Variants in SKAP2 observed in about 807,000 individuals in gnomAD.
SKAP2 encodes the protein src kinase-associated phosphoprotein 2.
SKAP2 carries 28 observed loss-of-function variants against 54.9 expected under a neutral mutation model. The observed-to-expected ratio is 0.51, with a 90% CI of 0.38 to 0.70. SKAP2 has a LOEUF of 0.70. SKAP2 is among the 30% of genes least tolerant of loss of function. SKAP2 has a pLI of 0.00. For synonymous variants in SKAP2, 137 were observed against 134.3 expected (o/e 1.02, Z -0.14); for missense variants, 356 against 424.1 (o/e 0.84, Z 1.41).
intron 4 of SKAP2, among the ~76,000 whole-genome samples, chr7:26,819,068 C>G (rs1489254178): frequency 6.6e-6 from 1 of 152,200 alleles, no homozygotes; most frequent in African/African-American, 2.4e-5. Context: ...AATCCCATTA[C>G]TGGGTATATA....
Position 26,668,979 on chromosome 7 carries a change from C to G in SKAP2, c.*687G>C, listed in dbSNP as rs1392130245. 2 of 152,114 alleles carry G rather than the reference C, an allele frequency of 1.3e-5. No homozygotes were observed. The highest frequency in any genetic ancestry group is 2.9e-5 in the Non-Finnish European group (2 of 68,034). 9.4% of individuals were successfully genotyped at this position (152,114 alleles called of 1,614,324 possible). A position where few individuals can be genotyped will look rare whatever the true frequency, so the allele number is the denominator to read the frequency against. ...CAGTAGAAAATGTTGCCAGGCCCAT[C>G]ATCGCACCAGGATATTTGTACGGTA... On this transcript the variant is annotated 3_prime_UTR_variant, in exon 13 of 13. Coordinates refer to ENST00000345317, the MANE Select transcript of SKAP2 (RefSeq NM_003930.5).
intron 11 of SKAP2, among the ~76,000 whole-genome samples, chr7:26,679,929 C>G (rs900064720): frequency 6.6e-6 from 1 of 152,146 alleles, no homozygotes; most frequent in Non-Finnish European, 1.5e-5. Flanking sequence ...CAAAAAGTAC[C>G]CTTTTATTTT....
chr7:26,752,042 T>C (rs1584368936), intron 4 of SKAP2, among the ~76,000 whole-genome samples: 1 of 152,152 alleles, frequency 6.6e-6, no homozygotes, highest in Non-Finnish European at 1.5e-5. Flanking sequence ...TCGCAACTTT[T>C]CTGTGTCACT....
intron 11 of SKAP2, among the ~76,000 whole-genome samples, chr7:26,671,222 C>A (rs548308092): frequency 6.6e-6 from 1 of 152,140 alleles, no homozygotes; most frequent in South Asian, 2.1e-4. Context: ...CTTCCAAAAG[C>A]AATACTCTTC....
intron 5 of SKAP2, among the ~76,000 whole-genome samples, chr7:26,739,449 T>G (rs903102950): frequency 6.6e-6 from 1 of 152,172 alleles, no homozygotes; most frequent in South Asian, 2.1e-4. Context: ...CCAATTATCA[T>G]AGCCAATGGA....
At chr7:26,656,056 C>T in the SKAP2 span, among the ~76,000 whole-genome samples, 1 of 152,142 alleles carries the variant, frequency 6.6e-6, no homozygotes. Flanking sequence ...TTAACATCAG[C>T]CTATTAATCC....
chr7:26,750,231 C>A (rs1782652289), intron 4 of SKAP2, among the ~76,000 whole-genome samples: 1 of 151,850 alleles, frequency 6.6e-6, no homozygotes, highest in African/African-American at 2.4e-5. Flanking sequence ...AGGTTAGTTC[C>A]CTAAGTGTAA....
chr7:26,763,981 T>C (rs10258711), intron 4 of SKAP2, among the ~76,000 whole-genome samples: 7,369 of 152,244 alleles, frequency 0.048, 606 homozygotes, highest in African/African-American at 0.17. Flanking sequence ...GACTGAAAGG[T>C]TGTTAGGCAG....
At chr7:26,659,555 A>C in the SKAP2 span, among the ~76,000 whole-genome samples, 1 of 152,196 alleles carries the variant, frequency 6.6e-6, no homozygotes, top group African/African-American at 2.4e-5. Flanking sequence ...TATTGTAATA[A>C]TGAGATGTTT....
intron 3 of SKAP2, among the ~76,000 whole-genome samples, chr7:26,847,222 T>A (rs1263134189): frequency 1.3e-5 from 2 of 152,174 alleles, no homozygotes; most frequent in Admixed American, 6.5e-5. Flanking sequence ...GCAAAGAATC[T>A]ATATGCTATA....
At position 26,669,141 on chromosome 7, in the gene SKAP2, C is replaced by T. The variant is rs938768258; in HGVS notation, c.*525G>A. On this transcript the variant is annotated 3_prime_UTR_variant, in exon 13 of 13. Transcript: ENST00000345317. ...TTAAATGTGTGAAAATAAATAATAA[C>T]AATAAAGTTATCTATAAAGTTTGAA... 6.6e-6 allele frequency: 1 copy of T among 152,022 alleles called. No individual in the cohort carries two copies. Among genetic ancestry groups the T allele is most frequent in the African/African-American group, 2.4e-5 (1 of 41,394 alleles). 9.4% of individuals were successfully genotyped at this position (152,022 alleles called of 1,614,324 possible). A position where few individuals can be genotyped will look rare whatever the true frequency, so the allele number is the denominator to read the frequency against.
intron 6 of SKAP2, among the ~76,000 whole-genome samples, chr7:26,728,267 G>A (rs1445445442): frequency 6.6e-6 from 1 of 152,056 alleles, no homozygotes. Context: ...GATATTAATA[G>A]GTTTCTGTGA....
intron 10 of SKAP2, among the ~76,000 whole-genome samples, chr7:26,688,565 G>A (rs1236795111): frequency 6.6e-6 from 1 of 152,172 alleles, no homozygotes; most frequent in Non-Finnish European, 1.5e-5. Flanking sequence ...ACAGCCTAGG[G>A]AAGAGCAAAG....
At chr7:26,740,505 T>C (rs762877377) in intron 4 of SKAP2, among the ~76,000 whole-genome samples, 30 of 152,200 alleles carry the variant, frequency 2.0e-4, no homozygotes, top group Non-Finnish European at 3.4e-4. Flanking sequence ...TAGGTTTTTA[T>C]AGGGCATTTA....
chr7:26,675,598 A>G (rs1786333105), intron 11 of SKAP2, among the ~76,000 whole-genome samples: 1 of 152,250 alleles, frequency 6.6e-6, no homozygotes, highest in Non-Finnish European at 1.5e-5. Context: ...TAGATGATTA[A>G]ATAGACTAAG....
At chr7:26,731,136 CA>C (rs1017489656) in intron 6 of SKAP2, among the ~76,000 whole-genome samples, 1 of 152,128 alleles carries the variant, frequency 6.6e-6, no homozygotes, top group African/African-American at 2.4e-5. Context: ...AGGTGTTTCT[CA>C]AAGTATATTT....
intron 6 of SKAP2, among the ~76,000 whole-genome samples, chr7:26,737,068 T>C (rs1787958911): frequency 6.6e-6 from 1 of 152,266 alleles, no homozygotes; most frequent in Non-Finnish European, 1.5e-5. Context: ...GGACTAGAAA[T>C]GGAGGAAACA....
chr7:26,745,494 G>A (rs918136940), intron 4 of SKAP2, among the ~76,000 whole-genome samples: 11 of 152,146 alleles, frequency 7.2e-5, no homozygotes, highest in African/African-American at 2.7e-4. Context: ...GCCACCTCCT[G>A]GGGGGAGATA....
intron 4 of SKAP2, among the ~76,000 whole-genome samples, chr7:26,775,865 G>C (rs1355505347): frequency 6.6e-6 from 1 of 152,098 alleles, no homozygotes; most frequent in African/African-American, 2.4e-5. Context: ...TGTATCAATA[G>C]TTTGTTCTTT....
Sources: allele counts gnomAD v4.1 joint callset (sites outside exome capture counted in the v4.1 genomes callset), GRCh38; gene constraint gnomAD v4.1.1; transcripts MANE v1.5; gene names NCBI Gene and HGNC (gene_info 2026-07-23, HGNC 2026-07-21).